SSBP3: variants seen among roughly 807,000 people sequenced by gnomAD.
The protein encoded by SSBP3 is single stranded DNA binding protein 3.
A neutral mutation model predicts 69.6 loss-of-function variants in SSBP3; 5 were observed. The observed-to-expected ratio is 0.07, with a 90% CI of 0.04 to 0.15. The LOEUF is 0.15. SSBP3 is among the 10% of genes least tolerant of loss of function. SSBP3 has a pLI of 1.00. For missense variants in SSBP3, 312 were observed against 534.0 expected (o/e 0.58, Z 4.10); for synonymous variants, 196 against 193.4 (o/e 1.01, Z -0.11).
intron 9 of SSBP3, among the ~76,000 whole-genome samples, chr1:54,244,526 C>T (rs1311887595): frequency 3.9e-5 from 6 of 152,168 alleles, no homozygotes; most frequent in South Asian, 4.1e-4. Flanking sequence ...GGATTACAGG[C>T]GTGAGCCACT....
intron 4 of SSBP3, among the ~76,000 whole-genome samples, chr1:54,364,541 G>A (rs555052423): frequency 2.0e-5 from 3 of 152,288 alleles, no homozygotes; most frequent in South Asian, 2.1e-4. Flanking sequence ...ACCAGCAGCA[G>A]GGGAAAATAT....
In SSBP3 at chr1:54,368,023, C is replaced by A. The variant is rs146256738; in HGVS notation, c.276+33838G>T. ...ATTTAAAAAGATAGAAAACCTAGGC[C>A]GGGCACAGTGGCTCACACCTGTAAT... On this transcript the variant is annotated intron_variant, in intron 4 of 17. Transcript: ENST00000610401. 2.9e-4 allele frequency among the ~76,000 whole-genome samples: 44 copies of A among 152,180 alleles called. 2 individuals carry two copies. In the East Asian group the frequency reaches 8.3e-3, roughly 29 times the overall value.
intron 4 of SSBP3, among the ~76,000 whole-genome samples, chr1:54,316,358 G>A (rs1401518297): frequency 1.5e-5 from 2 of 132,574 alleles, no homozygotes; most frequent in Middle Eastern, 7.2e-3. Flanking sequence ...TAAATAAATA[G>A]GCCGGGCGCG....
At chr1:54,249,549 G>A (rs1467848378) in intron 9 of SSBP3, among the ~76,000 whole-genome samples, 1 of 152,042 alleles carries the variant, frequency 6.6e-6, no homozygotes, top group South Asian at 2.1e-4. Context: ...ACAAAAATTA[G>A]CCAGGCGTGG....
intron 14 of SSBP3, among the ~76,000 whole-genome samples, chr1:54,231,564 T>C (rs1053689067): frequency 2.6e-5 from 4 of 152,248 alleles, no homozygotes; most frequent in Non-Finnish European, 4.4e-5. Flanking sequence ...CTACTTGTGC[T>C]TTTGGTCTTG....
rs188286399 is a variant in SSBP3 at position 54,366,359 on chromosome 1, C to T, written c.276+35502G>A. On this transcript the variant is annotated intron_variant, in intron 4 of 17. Coordinates refer to ENST00000610401, the Ensembl canonical transcript of SSBP3. ...CATATACTGGGCCATTACATAGTTA[C>T]CTCTCAACAGTCCTAAGATACTCTA... 2.9e-3 allele frequency among the ~76,000 whole-genome samples: 438 copies of T among 152,232 alleles called. 3 individuals are homozygous for T. Among genetic ancestry groups the T allele is most frequent in the African/African-American group, 0.01 (421 of 41,518 alleles).
chr1:54,387,827 A>G (rs1159928333), intron 4 of SSBP3, among the ~76,000 whole-genome samples: 1 of 152,160 alleles, frequency 6.6e-6, no homozygotes, highest in African/African-American at 2.4e-5. Flanking sequence ...AGCTCTATCA[A>G]TATCCTCAGA....
At chr1:54,298,930 A>AACACACACACACACAC (rs10525954) in intron 4 of SSBP3, among the ~76,000 whole-genome samples, 11,632 of 137,066 alleles carry the variant, frequency 0.085, 619 homozygotes, top group Middle Eastern at 0.17. Context: ...ACAAAAACAA[A>AACACACACACACACAC]ACACACACAC....
At chr1:54,306,352 A>G (rs1017514391) in intron 4 of SSBP3, among the ~76,000 whole-genome samples, 1 of 152,346 alleles carries the variant, frequency 6.6e-6, no homozygotes. Context: ...AGAACAGGGG[A>G]CAGCTACAAG....
At chr1:54,278,191 G>C (rs1485094880) in intron 5 of SSBP3, among the ~76,000 whole-genome samples, 1 of 152,160 alleles carries the variant, frequency 6.6e-6, no homozygotes, top group African/African-American at 2.4e-5. Flanking sequence ...GGCCCTCCCT[G>C]ATCAGAATGT....
intron 4 of SSBP3, among the ~76,000 whole-genome samples, chr1:54,284,225 C>A (rs1645447232): frequency 6.6e-6 from 1 of 150,908 alleles, no homozygotes; most frequent in South Asian, 2.1e-4. Context: ...TGAGCCACCA[C>A]CCCCCGCCTA....
intron 4 of SSBP3, 117 bp from the exon 5 acceptor site, chr1:54,281,644 A>G: frequency 1.1e-6 from 1 of 943,488 alleles, no homozygotes; most frequent in South Asian, 1.4e-5. Context: ...CCTTCCTCAC[A>G]GGCCACTTTC....
intron 5 of SSBP3, among the ~76,000 whole-genome samples, chr1:54,264,048 T>C (rs1178851374): frequency 1.3e-5 from 2 of 152,108 alleles, no homozygotes; most frequent in Non-Finnish European, 2.9e-5. Context: ...ACACCTGTAA[T>C]CCAGCATTTT....
intron 12 of SSBP3, 30 bp from the exon 13 acceptor site, chr1:54,240,989 AC>A: frequency 6.3e-7 from 1 of 1,592,204 alleles, no homozygotes; most frequent in Non-Finnish European, 8.6e-7. Flanking sequence ...GACATCAGAC[AC>A]CCACGGTGGT....
chr1:54,337,485 C>CTTTTTTTTTTTTTTTTTTTTTTTTTTTTT (rs869039822), intron 4 of SSBP3, among the ~76,000 whole-genome samples: 3 of 51,166 alleles, frequency 5.9e-5, no homozygotes, highest in African/African-American at 9.8e-5. Flanking sequence ...TTTCCTCAAG[C>CTTTTTTTTTTTTTTTTTTTTTTTTTTTTT]TTTTTTTTTT....
exon 1 of SSBP3, chr1:54,405,976 G>C (rs762564450): frequency 6.8e-7 from 1 of 1,472,836 alleles, no homozygotes; most frequent in Non-Finnish European, 9.1e-7. Context: ...GCCCATCCGA[G>C]GGCACCGCCG....
chr1:54,240,103 T>C lies in SSBP3; in HGVS notation c.856+802A>G, dbSNP rs1178999553. 8.1e-4 allele frequency among the ~76,000 whole-genome samples: 18 copies of C among 22,164 alleles called. No individual in the cohort carries two copies. In the East Asian group the frequency reaches 0.018, roughly 22 times the overall value. The allele number at this position is 22,164 out of a possible 152,430, so 14.5% of individuals were successfully genotyped here. On this transcript the variant is annotated intron_variant, in intron 13 of 17. Transcript: ENST00000610401. Reference sequence around the variant, plus strand: ...GTGTGTGTGTGCGCGCGCGCGCGTGTGCGTGCGCGCGCGCGCGCAACACAT... The same window carrying C: ...GTGTGTGTGTGCGCGCGCGCGCGTGCGCGTGCGCGCGCGCGCGCAACACAT...
At chr1:54,323,571 C>T (rs1333592458) in intron 4 of SSBP3, among the ~76,000 whole-genome samples, 1 of 152,196 alleles carries the variant, frequency 6.6e-6, no homozygotes, top group Non-Finnish European at 1.5e-5. Context: ...CCTCACCTCA[C>T]CACGCTATCT....
chr1:54,333,010 AC>A (rs764650324), intron 4 of SSBP3, among the ~76,000 whole-genome samples: 2 of 152,186 alleles, frequency 1.3e-5, no homozygotes, highest in Non-Finnish European at 2.9e-5. Flanking sequence ...GCTGCGCTTG[AC>A]AACCAGGGCT....
Sources: gnomAD v4.1 joint callset for allele counts (sites outside exome capture counted in the v4.1 genomes callset) on GRCh38, gnomAD v4.1.1 for gene constraint, MANE v1.5 for transcripts, NCBI Gene and HGNC (gene_info 2026-07-23, HGNC 2026-07-21) for gene names.